TACC2: variants seen among roughly 807,000 people sequenced by gnomAD.
TACC2 encodes transforming acidic coiled-coil-containing protein 2.
Under a neutral mutation model 227.3 loss-of-function variants are expected in TACC2, and 137 were observed. That is an observed-to-expected ratio of 0.60 (90% confidence interval 0.52 to 0.69). TACC2 has a LOEUF of 0.69. Ranked by LOEUF, TACC2 falls within the 30% of genes least tolerant of loss-of-function variation. TACC2 has a pLI of 0.00. For missense variants in TACC2, 3,470 were observed against 3,694.4 expected (o/e 0.94, Z 1.57); for synonymous variants, 1,523 against 1,487.5 (o/e 1.02, Z -0.55).
intron 1 of TACC2, among the ~76,000 whole-genome samples, chr10:121,993,108 C>T (rs917511820): frequency 2.6e-5 from 4 of 152,194 alleles, no homozygotes; most frequent in African/African-American, 9.6e-5. Context: ...TCCCTTGAGC[C>T]AAGAGTTCAA....
intron 8 of TACC2, among the ~76,000 whole-genome samples, chr10:122,197,901 G>A (rs1190022609): frequency 6.6e-6 from 1 of 152,238 alleles, no homozygotes; most frequent in Non-Finnish European, 1.5e-5. Flanking sequence ...GAAGGCGTGG[G>A]AAGGCAGCTG....
In TACC2 at chr10:122,150,889, C is replaced by T. The variant is rs908492381; in HGVS notation, c.5834+7183C>T. 3.3e-5 allele frequency among the ~76,000 whole-genome samples: 5 copies of T among 152,110 alleles called. No individual in the cohort carries two copies. The highest frequency in any genetic ancestry group is 2.6e-4 in the Admixed American group (4 of 15,270). On this transcript the variant is annotated intron_variant, in intron 7 of 22. Coordinates refer to ENST00000369005, the MANE Select transcript of TACC2 (RefSeq NM_206862.4). This position sits in a 1 kb window ranked among gnomAD's most constrained non-coding sequence, Gnocchi z 4.0. ...ATACATCCCGGTTGATTCTATGCCA[C>T]GGACTATTCGGAAGGTGGCGCAGGG...
At chr10:122,128,494 C>G (rs943752062) in intron 5 of TACC2, among the ~76,000 whole-genome samples, 2 of 152,182 alleles carry the variant, frequency 1.3e-5, no homozygotes, top group African/African-American at 4.8e-5. Flanking sequence ...GCTGGGACCT[C>G]ATTTTCCAGT....
chr10:122,224,979 A>T (rs1408314095), intron 12 of TACC2, among the ~76,000 whole-genome samples, 192 bp downstream of exon 12: 1 of 151,652 alleles, frequency 6.6e-6, no homozygotes, highest in Non-Finnish European at 1.5e-5. Flanking sequence ...ACTTCGTTTG[A>T]CATTTTCAGG....
At position 122,238,166 on chromosome 10, in the gene TACC2, T is replaced by C. The variant is rs897000459; in HGVS notation, c.8348+129T>C. 1.2e-5 allele frequency: 8 copies of C among 644,582 alleles called. No individual in the cohort carries two copies. In the Admixed American group the frequency reaches 1.3e-4, roughly 10 times the overall value. 39.9% of individuals were successfully genotyped at this position (644,582 alleles called of 1,614,324 possible). On this transcript the variant is annotated intron_variant, in intron 18 of 22. Coordinates refer to ENST00000369005, the MANE Select transcript of TACC2 (RefSeq NM_206862.4). ...GTTCTCTCTTCTTTATTACACACAG[T>C]TCATATTTTTCTAAAAGTATTTTTA... is the stretch of plus-strand genomic sequence containing the variant.
chr10:122,243,607 T>TGG (rs1359609365), intron 19 of TACC2, among the ~76,000 whole-genome samples: 9 of 151,860 alleles, frequency 5.9e-5, no homozygotes, highest in Admixed American at 3.9e-4. Flanking sequence ...TGAACACATA[T>TGG]GGATAAGATA....
intron 7 of TACC2, among the ~76,000 whole-genome samples, chr10:122,166,138 G>T (rs1198807105): frequency 6.6e-6 from 1 of 152,290 alleles, no homozygotes; most frequent in South Asian, 2.1e-4. Flanking sequence ...CACAGGGTGC[G>T]CACCTGCCGC....
intron 8 of TACC2, among the ~76,000 whole-genome samples, chr10:122,200,972 C>T (rs1219529888): frequency 1.5e-5 from 2 of 131,982 alleles, no homozygotes; most frequent in Admixed American, 7.6e-5. Flanking sequence ...GCCACATCTA[C>T]AGTGAGAGGA....
intron 2 of TACC2, chr10:122,022,305 G>A: frequency 3.2e-6 from 1 of 316,878 alleles, no homozygotes; most frequent in Non-Finnish European, 5.8e-6. Context: ...GCAGTGGCAT[G>A]ATCATAGCTC....
intron 22 of TACC2, 45 bp downstream of exon 22, chr10:122,249,709 T>C: frequency 6.3e-7 from 1 of 1,580,462 alleles, no homozygotes. Flanking sequence ...GGGCTGCTGC[T>C]CTCTGTGCTG....
intron 18 of TACC2, among the ~76,000 whole-genome samples, chr10:122,241,299 A>T (rs533730837): frequency 6.6e-6 from 1 of 152,044 alleles, no homozygotes; most frequent in Non-Finnish European, 1.5e-5. Context: ...TTTAATTTTT[A>T]AATTTTTTTA....
In TACC2 at chr10:122,096,755, CAT is replaced by C. The variant is rs1248387395; in HGVS notation, c.5573+8165_5573+8166del. ...CTGGGAGGGAGCCCAAATGGGCAGA[CAT>C]GTGGTTTTTCCACTGATGTCTCTGC... On this transcript the variant is annotated intron_variant, in intron 5 of 22. Coordinates refer to ENST00000369005, the MANE Select transcript of TACC2 (RefSeq NM_206862.4). Among the ~76,000 whole-genome samples the C allele has an allele frequency of 4.0e-5, 6 of 151,536 alleles. No individual in the cohort carries two copies. In the South Asian group the frequency reaches 6.3e-4, roughly 16 times the overall value.
In TACC2 at chr10:122,085,373, C is replaced by G; in HGVS notation, c.2873C>G (p.Ser958Cys). 1 of 1,613,950 alleles carries G rather than the reference C, an allele frequency of 6.2e-7. No homozygotes were observed. The highest frequency in any genetic ancestry group is 8.5e-7 in the Non-Finnish European group (1 of 1,180,032). Residue 958 changes from serine (S) to cysteine (C), a missense_variant, in exon 4 of 23, where the codon TCC becomes TGC. Physicochemically the swap from Ser to Cys is moderately radical, Grantham distance 112 (BLOSUM62 -1). This residue lies in a region of TACC2 where 1,924 missense variants were observed against 1,978.3 expected (regional missense o/e 0.97). Coordinates refer to ENST00000369005, the MANE Select transcript of TACC2 (RefSeq NM_206862.4). ...RPEGACGDGQ[S>C]SRVSPPAADV... is the part of the protein sequence containing the mutation. The stretch of plus-strand genomic sequence containing the variant: ...GAGGGAGCATGCGGTGATGGTCAGT[C>G]CTCGAGGGTCTCGCCTCCAGCAGCA...
intron 2 of TACC2, among the ~76,000 whole-genome samples, chr10:122,043,961 G>A (rs2074666181): frequency 6.6e-6 from 1 of 152,126 alleles, no homozygotes; most frequent in Admixed American, 6.5e-5. Context: ...TGCTTCCCCG[G>A]CTTCTCCTAA....
intron 5 of TACC2, among the ~76,000 whole-genome samples, chr10:122,129,055 A>C (rs974977657): frequency 3.2e-5 from 3 of 94,556 alleles, no homozygotes; most frequent in South Asian, 4.8e-4. Flanking sequence ...GATCTATCTT[A>C]TTTTAATTAT....
intron 7 of TACC2, among the ~76,000 whole-genome samples, chr10:122,148,097 ATT>A (rs1172285538): frequency 3.9e-4 from 51 of 131,410 alleles, no homozygotes; most frequent in Admixed American, 7.7e-4. Context: ...CTGAGCCAGA[ATT>A]TTTTTTTTTT....
At chr10:122,008,137 GACAA>G (rs200567858) in intron 1 of TACC2, among the ~76,000 whole-genome samples, 2,646 of 152,186 alleles carry the variant, frequency 0.017, 81 homozygotes, top group African/African-American at 0.058. Flanking sequence ...GATGGACCAA[GACAA>G]ACACCCAGTT....
intron 5 of TACC2, among the ~76,000 whole-genome samples, chr10:122,110,090 T>C (rs1193547516): frequency 3.3e-5 from 5 of 152,328 alleles, no homozygotes; most frequent in Middle Eastern, 3.4e-3. Context: ...GAAGATAGTT[T>C]AGCAGCTACT....
intron 3 of TACC2, among the ~76,000 whole-genome samples, chr10:122,054,903 C>T (rs1208271939): frequency 6.6e-6 from 1 of 152,098 alleles, no homozygotes; most frequent in East Asian, 1.9e-4. Flanking sequence ...GCTGGCTCCC[C>T]GAGGACAGGT....
Sources: gnomAD v4.1 joint callset for allele counts (sites outside exome capture counted in the v4.1 genomes callset) on GRCh38, gnomAD v4.1.1 for gene constraint, gnomAD v4.1.1 regional missense constraint, Gnocchi (gnomAD v3.1) non-coding constraint, MANE v1.5 for transcripts, NCBI Gene and HGNC (gene_info 2026-07-23, HGNC 2026-07-21) for gene names.